The following CNBD1 variants were observed in gnomAD, a reference collection of about 807,000 sequenced individuals.
The protein encoded by CNBD1 is cyclic nucleotide-binding domain-containing protein 1.
A neutral mutation model predicts 54.4 loss-of-function variants in CNBD1; 71 were observed. The ratio of observed to expected loss-of-function variants is 1.30; its 90% CI spans 1.08 to 1.59. The LOEUF is 1.59. Among genes scored for constraint, CNBD1 ranks in the 40% most tolerant of loss-of-function variants. The pLI is 0.00. For missense variants in CNBD1, 659 were observed against 518.0 expected (o/e 1.27, Z -2.64); for synonymous variants, 182 against 170.7 (o/e 1.07, Z -0.51).
At chr8:87,011,681 CATT>C (rs1272921362) in intron 4 of CNBD1, among the ~76,000 whole-genome samples, 3 of 151,718 alleles carry the variant, frequency 2.0e-5, no homozygotes, top group Non-Finnish European at 2.9e-5. Context: ...TTAAGAAAAA[CATT>C]ATATAGAAAG....
intron 7 of CNBD1, 83 bp from the exon 8 acceptor site, chr8:87,286,456 T>C: frequency 1.2e-6 from 1 of 811,348 alleles, no homozygotes; most frequent in East Asian, 2.7e-5. Flanking sequence ...TTTATTTTAC[T>C]TCTCTCACCA....
At chr8:87,081,511 G>GTTT (rs530640699) in intron 4 of CNBD1, among the ~76,000 whole-genome samples, 3 of 140,270 alleles carry the variant, frequency 2.1e-5, no homozygotes, top group Non-Finnish European at 4.6e-5. Context: ...TTTTGTTTTT[G>GTTT]TTTTTTTTTT....
rs182994819 is a variant in CNBD1 at position 87,353,577 on chromosome 8, T to A, written c.1153-59T>A. The A allele has an allele frequency of 2.1e-4, 235 of 1,113,092 alleles. 2 individuals carry two copies. The South Asian group carries it at 3.2e-3, about 15-fold the overall frequency. The allele number at this position is 1,113,092 out of a possible 1,614,324, so 69.0% of individuals were successfully genotyped here. A position where few individuals can be genotyped will look rare whatever the true frequency, so the allele number is the denominator to read the frequency against. On this transcript the variant is annotated intron_variant, in intron 9 of 10. Transcript: ENST00000518476. ...ATGAGTGAGTTTCTGATAAAAACAA[T>A]ACTGATTCATTATATGGAAGCAGTT...
intron 8 of CNBD1, among the ~76,000 whole-genome samples, chr8:87,311,529 A>G (rs997077125): frequency 6.6e-6 from 1 of 152,160 alleles, no homozygotes. Context: ...CCACTGTGGA[A>G]AGCAGTGTGC....
chr8:86,946,447 A>G (rs904094600), intron 4 of CNBD1, among the ~76,000 whole-genome samples: 2 of 152,078 alleles, frequency 1.3e-5, no homozygotes, highest in Admixed American at 1.3e-4. Flanking sequence ...ATCTATTATA[A>G]TATTTCTTAT....
At chr8:86,924,816 G>A (rs924049986) in intron 3 of CNBD1, among the ~76,000 whole-genome samples, 20 of 152,036 alleles carry the variant, frequency 1.3e-4, no homozygotes, top group African/African-American at 3.6e-4. Context: ...AATCTGTATC[G>A]TAATAATCAT....
At chr8:87,331,692 A>G (rs1809835630) in intron 8 of CNBD1, among the ~76,000 whole-genome samples, 2 of 152,128 alleles carry the variant, frequency 1.3e-5, no homozygotes, top group South Asian at 2.1e-4. Flanking sequence ...ATGTAAAAGC[A>G]TTTGTCTTTC....
At chr8:87,354,639 G>A (rs955391404) in intron 10 of CNBD1, among the ~76,000 whole-genome samples, 21 of 150,904 alleles carry the variant, frequency 1.4e-4, no homozygotes, top group African/African-American at 4.9e-4. Context: ...TCCCACCTAT[G>A]AGTGAGAACA....
chr8:87,238,319 C>T (rs1173989345), intron 6 of CNBD1, among the ~76,000 whole-genome samples: 2 of 152,060 alleles, frequency 1.3e-5, no homozygotes, highest in African/African-American at 4.8e-5. Context: ...GAAACTCTAC[C>T]CACTACCAAG....
At position 87,421,998 on chromosome 8, in the gene CNBD1, T is replaced by C. The variant is rs1338902500; in HGVS notation, c.214-6548T>C. Among the ~76,000 whole-genome samples the C allele has an allele frequency of 2.0e-5, 3 of 149,792 alleles. No homozygotes were observed. In the East Asian group the frequency reaches 5.8e-4, roughly 29 times the overall value. ...GGTATGAGATGGTATCTCATTGTGG[T>C]TTTGATTTGCATTTCTCTGATGGCC... On this transcript the variant is annotated intron_variant, in intron 2 of 7. Coordinates refer to the CNBD1 transcript ENST00000521593.
chr8:87,353,642 T>C lies in CNBD1; in HGVS notation c.1159T>C (p.Ser387Pro). 1 of 1,574,146 alleles carries C rather than the reference T, an allele frequency of 6.4e-7. No homozygotes were observed. The highest frequency in any genetic ancestry group is 2.3e-5 in the East Asian group (1 of 44,272). ...TAATATATTTTTTTAACAGAAAAGATCTCAAAAACTTGTTTATATGGGGAA... is the reference window on the plus strand; with the variant it reads ...TAATATATTTTTTTAACAGAAAAGACCTCAAAAACTTGTTTATATGGGGAA... ...VKLRSNKVKRSQKLVYMGKLK... is the reference protein window; with the variant it reads ...VKLRSNKVKRPQKLVYMGKLK... Residue 387 changes from serine (S) to proline (P), a missense_variant, in exon 10 of 11, where the codon TCT (serine) becomes CCT (proline). Coordinates refer to ENST00000518476, the MANE Select transcript of CNBD1 (RefSeq NM_173538.3).
At chr8:86,961,920 A>G (rs1037306486) in intron 4 of CNBD1, among the ~76,000 whole-genome samples, 2 of 152,116 alleles carry the variant, frequency 1.3e-5, no homozygotes, top group African/African-American at 2.4e-5. Context: ...TACTTGTAAG[A>G]TTTTTCATGT....
chr8:87,329,538 A>G (rs1306993642), intron 8 of CNBD1, among the ~76,000 whole-genome samples: 1 of 151,938 alleles, frequency 6.6e-6, no homozygotes, highest in Non-Finnish European at 1.5e-5. Flanking sequence ...CATGAAATAT[A>G]ATATCTCTCC....
At chr8:87,424,734 C>G in intron 2 of CNBD1, among the ~76,000 whole-genome samples, 1 of 152,200 alleles carries the variant, frequency 6.6e-6, no homozygotes, top group Non-Finnish European at 1.5e-5. Flanking sequence ...CCTGACCTTT[C>G]TCTCTGGCTG....
At chr8:87,275,304 C>A (rs1451348452) in intron 6 of CNBD1, among the ~76,000 whole-genome samples, 3 of 149,208 alleles carry the variant, frequency 2.0e-5, no homozygotes, top group Non-Finnish European at 4.4e-5. Flanking sequence ...TTTTCCAATT[C>A]TGTGAAGAAA....
At chr8:87,019,739 G>A (rs1246457352) in intron 4 of CNBD1, among the ~76,000 whole-genome samples, 2 of 152,076 alleles carry the variant, frequency 1.3e-5, no homozygotes, top group Non-Finnish European at 2.9e-5. Flanking sequence ...TTAGCCGGAT[G>A]TGGTGGCAGG....
At chr8:86,870,361 AT>A (rs1247268706) in intron 1 of CNBD1, among the ~76,000 whole-genome samples, 1 of 151,224 alleles carries the variant, frequency 6.6e-6, no homozygotes, top group Non-Finnish European at 1.5e-5. Flanking sequence ...CGCCTGGCTA[AT>A]TTTTTTGTAT....
chr8:86,957,930 A>T (rs1270862237), intron 4 of CNBD1, among the ~76,000 whole-genome samples: 1 of 152,102 alleles, frequency 6.6e-6, no homozygotes, highest in Non-Finnish European at 1.5e-5. Flanking sequence ...TTAGGGTGTC[A>T]ATTTTAGATC....
At chr8:87,179,302 T>C (rs1813262459) in intron 4 of CNBD1, among the ~76,000 whole-genome samples, 1 of 152,188 alleles carries the variant, frequency 6.6e-6, no homozygotes, top group Admixed American at 6.5e-5. Flanking sequence ...CATAAAATAA[T>C]GTATAGAATT....
Sources: allele counts gnomAD v4.1 joint callset (sites outside exome capture counted in the v4.1 genomes callset), GRCh38; gene constraint gnomAD v4.1.1; transcripts MANE v1.5; gene names NCBI Gene and HGNC (gene_info 2026-07-23, HGNC 2026-07-21).